Variants in CDC42BPA observed in about 807,000 individuals in gnomAD.
CDC42BPA encodes serine/threonine-protein kinase MRCK alpha.
In CDC42BPA, 80 loss-of-function variants were observed where a neutral mutation model predicts 223.5. The ratio of observed to expected loss-of-function variants is 0.36; its 90% CI spans 0.30 to 0.43. The LOEUF is 0.43. Ranked by LOEUF, CDC42BPA falls within the 20% of genes least tolerant of loss-of-function variation. The pLI is 1.00. For missense variants in CDC42BPA, 1,743 were observed against 2,099.9 expected (o/e 0.83, Z 3.32); for synonymous variants, 694 against 718.6 (o/e 0.97, Z 0.55).
chr1:227,131,390 T>C (rs1458269409), intron 10 of CDC42BPA, among the ~76,000 whole-genome samples: 1 of 152,182 alleles, frequency 6.6e-6, no homozygotes, highest in South Asian at 2.1e-4. Flanking sequence ...AGTTAGAACT[T>C]AAATGGTACC....
rs773337354 is a variant in CDC42BPA, at chr1:227,145,677, G to A, written c.955C>T (p.Arg319Ter). ...TGTTCTCTGCTACAAATGAGCCTTC[G>A]AATAAGATCCTTAGCATTTTCAGAC... is the stretch of plus-strand genomic sequence containing the variant. Reference protein sequence around the residue: ...DVSENAKDLIRRLICSREHRL... With the variant: ...DVSENAKDLI The change falls in exon 8 of 37, where the codon CGA (arginine) becomes TGA (stop). Residue 319 changes from arginine (R) to a stop codon, truncating the protein, a stop_gained. Transcript: ENST00000366766. LOFTEE classifies it high-confidence loss of function. 1.2e-6 allele frequency: 2 copies of A among 1,613,494 alleles called. No homozygotes were observed. The highest frequency in any genetic ancestry group is 1.7e-6 in the Non-Finnish European group (2 of 1,179,596).
At chr1:227,213,587 G>A (rs1198642232) in intron 2 of CDC42BPA, among the ~76,000 whole-genome samples, 1 of 152,062 alleles carries the variant, frequency 6.6e-6, no homozygotes, top group Non-Finnish European at 1.5e-5. Context: ...CAACAGGAAA[G>A]AACTAGAGCT....
chr1:227,301,784 C>G (rs1691679763), intron 1 of CDC42BPA, among the ~76,000 whole-genome samples: 1 of 152,058 alleles, frequency 6.6e-6, no homozygotes, highest in Non-Finnish European at 1.5e-5. Flanking sequence ...CCCGTACCTA[C>G]TATCACTTCC....
intron 2 of CDC42BPA, 26 bp downstream of exon 2, chr1:227,254,038 C>G: frequency 8.0e-7 from 1 of 1,245,470 alleles, no homozygotes; most frequent in Non-Finnish European, 1.2e-6. Flanking sequence ...AATTAGCAGA[C>G]CTTCTATCAA....
intron 5 of CDC42BPA, among the ~76,000 whole-genome samples, chr1:227,166,219 A>C (rs1303356615): frequency 6.6e-6 from 1 of 152,184 alleles, no homozygotes; most frequent in Non-Finnish European, 1.5e-5. Context: ...CTGTTCTTAA[A>C]ATGGTCACTA....
At chr1:227,069,736 T>TA in intron 21 of CDC42BPA, 41 bp downstream of exon 21, 1 of 1,382,374 alleles carries the variant, frequency 7.2e-7, no homozygotes, top group Admixed American at 1.8e-5. Flanking sequence ...AAGTGAATTT[T>TA]AAATTGACCC....
rs1401031344 is a variant in CDC42BPA, at chr1:227,148,347, T to C, written c.694-788A>G. Among the ~76,000 whole-genome samples the C allele has an allele frequency of 2.0e-5, 3 of 152,130 alleles. No individual in the cohort carries two copies. In the East Asian group the frequency reaches 5.8e-4, roughly 29 times the overall value. On this transcript the variant is annotated intron_variant, in intron 6 of 36. Coordinates refer to ENST00000366766, the MANE Select transcript of CDC42BPA (RefSeq NM_001394014.1). ...ACTAGAAAAATCCTGGGTATGCATG[T>C]TGTAAGGTACTTTGAAGTAAAAGAA...
At chr1:227,273,379 A>G (rs1686308324) in intron 1 of CDC42BPA, among the ~76,000 whole-genome samples, 1 of 151,752 alleles carries the variant, frequency 6.6e-6, no homozygotes, top group East Asian at 1.9e-4. Context: ...CCAGCCTGAC[A>G]ACATGGAGAA....
intron 1 of CDC42BPA, chr1:227,265,251 C>T (rs11800169): frequency 0.059 from 32,041 of 542,744 alleles, 1,112 homozygotes; most frequent in Non-Finnish European, 0.072. Flanking sequence ...GTTTGATTGC[C>T]GCTTAGTAGC....
intron 15 of CDC42BPA, among the ~76,000 whole-genome samples, chr1:227,095,867 C>T (rs1302250735): frequency 2.0e-5 from 3 of 152,198 alleles, no homozygotes; most frequent in South Asian, 2.1e-4. Flanking sequence ...GCTCAGATTA[C>T]AGGCATGGGC....
At chr1:227,193,956 T>C in intron 4 of CDC42BPA, 22 bp from the exon 5 acceptor site, 1 of 1,576,750 alleles carries the variant, frequency 6.3e-7, no homozygotes, top group Non-Finnish European at 8.6e-7. Flanking sequence ...AAAAATAAAA[T>C]GTACTCAGTA....
intron 8 of CDC42BPA, among the ~76,000 whole-genome samples, chr1:227,143,698 G>A (rs1300473362): frequency 6.6e-6 from 1 of 152,200 alleles, no homozygotes; most frequent in African/African-American, 2.4e-5. Flanking sequence ...GGTGAGTTCA[G>A]TGTTAATGAA....
intron 35 of CDC42BPA, among the ~76,000 whole-genome samples, chr1:226,998,358 C>G (rs1662060739): frequency 1.3e-5 from 2 of 152,124 alleles, no homozygotes; most frequent in Admixed American, 1.3e-4. Flanking sequence ...GCAAAAAGAA[C>G]AAAGCTGGAG....
At chr1:227,194,172 T>C (rs1670275955) in intron 4 of CDC42BPA, among the ~76,000 whole-genome samples, 1 of 152,310 alleles carries the variant, frequency 6.6e-6, no homozygotes, top group Admixed American at 6.5e-5. Flanking sequence ...AGGGTTACCA[T>C]TGTTGTATTT....
intron 2 of CDC42BPA, among the ~76,000 whole-genome samples, chr1:227,251,863 C>T (rs953135763): frequency 8.6e-5 from 13 of 152,044 alleles, no homozygotes; most frequent in African/African-American, 3.1e-4. Context: ...GTTCTAACCA[C>T]TTTTAAATTA....
intron 5 of CDC42BPA, among the ~76,000 whole-genome samples, chr1:227,169,192 C>T (rs1665674794): frequency 6.6e-6 from 1 of 152,024 alleles, no homozygotes; most frequent in Non-Finnish European, 1.5e-5. Context: ...TTTACCTTTA[C>T]TGAGAATAGT....
intron 3 of CDC42BPA, 112 bp from the exon 4 acceptor site, chr1:227,199,764 A>G (rs1044181899): frequency 3.0e-5 from 17 of 565,562 alleles, no homozygotes; most frequent in Non-Finnish European, 4.3e-5. Flanking sequence ...AATACACCTG[A>G]TATTATAAGA....
At chr1:227,007,126 T>C (rs1157478152) in intron 34 of CDC42BPA, among the ~76,000 whole-genome samples, 1 of 152,242 alleles carries the variant, frequency 6.6e-6, no homozygotes, top group Non-Finnish European at 1.5e-5. Context: ...GTTTTGTGAC[T>C]TTTCCAAAGG....
chr1:227,034,859 A>G, intron 25 of CDC42BPA, 65 bp from the exon 26 acceptor site: 1 of 1,425,448 alleles, frequency 7.0e-7, no homozygotes, highest in Non-Finnish European at 9.6e-7. Flanking sequence ...CTTAAATTAC[A>G]TATGTAATTG....
Sources: gnomAD v4.1 joint callset for allele counts (sites outside exome capture counted in the v4.1 genomes callset) on GRCh38, gnomAD v4.1.1 for gene constraint, MANE v1.5 for transcripts, NCBI Gene and HGNC (gene_info 2026-07-23, HGNC 2026-07-21) for gene names.